ZFAND4: variants seen among roughly 807,000 people sequenced by gnomAD.
ZFAND4 encodes the protein zinc finger AN1-type containing 4, also known as AN1-type zinc finger protein 4.
A neutral mutation model predicts 64.4 loss-of-function variants in ZFAND4; 43 were observed. The ratio of observed to expected loss-of-function variants is 0.67; its 90% confidence interval spans 0.52 to 0.86. The LOEUF (loss-of-function observed/expected upper bound fraction) is 0.86, where lower values mean the gene tolerates loss of function less well. Ranked by LOEUF, ZFAND4 falls within the 40% of genes least tolerant of loss-of-function variation. The probability of loss-of-function intolerance (pLI) is 0.00; values close to 1 mark genes in which losing one functional copy is unlikely to be tolerated. For synonymous variants in ZFAND4, 296 were observed against 305.7 expected, an observed-to-expected ratio of 0.97 and a Z score of 0.33; for missense variants, 929 against 859.8, an observed-to-expected ratio of 1.08 and a Z score of -1.01.
chr10:45,641,555 G>C (rs910257240), intron 5 of ZFAND4, among the ~76,000 whole-genome samples: 1 of 152,120 alleles, frequency 6.6e-6, no homozygotes, highest in Non-Finnish European at 1.5e-5. Context: ...TTAATTACAC[G>C]CACTATACGC....
Position 45,627,003 on chromosome 10 carries a change from T to C in ZFAND4, c.820A>G (p.Asn274Asp). Residue 274 changes from asparagine (N) to aspartate (D), a missense_variant, in exon 7 of 10, where the codon AAC becomes GAC. Transcript: ENST00000344646. ...SRHRLLRVLP[N>D]IGQSCSPAFG... is the part of the protein sequence containing the mutation. Reference sequence around the variant, plus strand: ...GCAGGTGAACAAGATTGACCAATGTTGGGGAGGACCCTTAACAATCGGTGG... The same window carrying C: ...GCAGGTGAACAAGATTGACCAATGTCGGGGAGGACCCTTAACAATCGGTGG... 6.2e-7 allele frequency: 1 copy of C among 1,613,272 alleles called. No homozygotes were observed. The highest frequency in any genetic ancestry group is 8.5e-7 in the Non-Finnish European group (1 of 1,179,412).
intron 6 of ZFAND4, among the ~76,000 whole-genome samples, chr10:45,636,123 A>G (rs949133811): frequency 7.2e-5 from 11 of 152,176 alleles, no homozygotes; most frequent in Non-Finnish European, 1.2e-4. Flanking sequence ...ACAATGCAAG[A>G]CTATTTTATA....
At chr10:45,671,201 T>G (rs148544580) in intron 1 of ZFAND4, among the ~76,000 whole-genome samples, 9,395 of 152,192 alleles carry the variant, frequency 0.062, 431 homozygotes, top group African/African-American at 0.13. Context: ...AGAGGATGTG[T>G]AGAAATAGGA....
At chr10:45,643,041 C>T (rs984387527) in intron 5 of ZFAND4, among the ~76,000 whole-genome samples, 1 of 151,286 alleles carries the variant, frequency 6.6e-6, no homozygotes, top group East Asian at 2.0e-4. Context: ...CTGCCTCAGC[C>T]TCCCTAGTAG....
chr10:45,622,357 C>G (rs2133534502), intron 8 of ZFAND4, among the ~76,000 whole-genome samples: 1 of 152,212 alleles, frequency 6.6e-6, no homozygotes, highest in Admixed American at 6.5e-5. Flanking sequence ...GGATCAAAGA[C>G]CTAAACATAA....
At chr10:45,629,693 T>C (rs186521019) in intron 6 of ZFAND4, among the ~76,000 whole-genome samples, 2 of 151,984 alleles carry the variant, frequency 1.3e-5, no homozygotes, top group African/African-American at 4.8e-5. Flanking sequence ...AAAACCCATC[T>C]CTATCAATAA....
chr10:45,637,339 C>CAG (rs1564584992), intron 6 of ZFAND4, among the ~76,000 whole-genome samples: 8 of 71,276 alleles, frequency 1.1e-4, no homozygotes, highest in Non-Finnish European at 8.5e-5. Flanking sequence ...GACTCCGTCT[C>CAG]AAAAAAAAAA....
At chr10:45,661,650 G>A (rs1278084120) in intron 2 of ZFAND4, among the ~76,000 whole-genome samples, 1 of 152,134 alleles carries the variant, frequency 6.6e-6, no homozygotes, top group Non-Finnish European at 1.5e-5. Context: ...GGCTTAAAAT[G>A]TGTTTTTCAG....
At chr10:45,643,538 C>T (rs182194217) in intron 5 of ZFAND4, among the ~76,000 whole-genome samples, 3 of 151,450 alleles carry the variant, frequency 2.0e-5, no homozygotes, top group Non-Finnish European at 4.4e-5. Flanking sequence ...GGCATGGTGG[C>T]GGGCGCCTGT....
At chr10:45,619,044 A>AT (rs1564542503) in intron 8 of ZFAND4, among the ~76,000 whole-genome samples, 46 of 149,670 alleles carry the variant, frequency 3.1e-4, no homozygotes, top group African/African-American at 7.1e-4. Flanking sequence ...GAATTAAATC[A>AT]ATTTTTTTTT....
At chr10:45,639,120 A>C (rs1427560937) in intron 6 of ZFAND4, among the ~76,000 whole-genome samples, 1 of 152,168 alleles carries the variant, frequency 6.6e-6, no homozygotes, top group Non-Finnish European at 1.5e-5. Context: ...ATAGAGTAAA[A>C]AGGAAAGCAA....
intron 2 of ZFAND4, among the ~76,000 whole-genome samples, chr10:45,660,941 C>A (rs1589426315): frequency 6.6e-6 from 1 of 152,080 alleles, no homozygotes; most frequent in East Asian, 1.9e-4. Flanking sequence ...AGGTCAGAAA[C>A]TAAGATCTAC....
chr10:45,666,117 A>G (rs2048808456), intron 1 of ZFAND4, among the ~76,000 whole-genome samples: 1 of 152,210 alleles, frequency 6.6e-6, no homozygotes, highest in East Asian at 1.9e-4. Context: ...ATGTTTGGCA[A>G]TTTGTGGAAC....
intron 2 of ZFAND4, among the ~76,000 whole-genome samples, chr10:45,657,300 A>G (rs1321413572): frequency 6.6e-6 from 1 of 152,200 alleles, no homozygotes; most frequent in East Asian, 1.9e-4. Context: ...AAGACAGATG[A>G]CAAGCAAATT....
intron 7 of ZFAND4, among the ~76,000 whole-genome samples, chr10:45,625,564 A>G (rs2045754107): frequency 6.6e-6 from 1 of 151,404 alleles, no homozygotes. Flanking sequence ...AAACATTAAA[A>G]ACATTTAGCA....
At chr10:45,635,208 A>AAAAAC (rs2046488394) in intron 6 of ZFAND4, among the ~76,000 whole-genome samples, 1 of 144,894 alleles carries the variant, frequency 6.9e-6, no homozygotes, top group African/African-American at 2.6e-5. Context: ...AAAAAAAAAA[A>AAAAAC]AAAAACAAAA....
Position 45,630,456 on chromosome 10 carries a change from G to C in ZFAND4, c.718-3351C>G, listed in dbSNP as rs557947879. Among the ~76,000 whole-genome samples, 280 of 152,308 alleles carry C rather than the reference G, an allele frequency of 1.8e-3. 3 individuals carry two copies. The highest frequency in any genetic ancestry group is 5.9e-3 in the Admixed American group (91 of 15,300). On this transcript the variant is annotated intron_variant, in intron 6 of 9. Transcript: ENST00000344646. ...AATACTGAGAAAAGGTATAGGCCGG[G>C]TGCGGTGGCTCACACCTGTAATCCC...
At position 45,615,613 on chromosome 10, in the gene ZFAND4, A is replaced by C. The variant is rs1429954995; in HGVS notation, c.*823T>G. 6.6e-6 allele frequency: 1 copy of C among 152,036 alleles called. No individual in the cohort carries two copies. Among genetic ancestry groups the C allele is most frequent in the East Asian group, 1.9e-4 (1 of 5,202 alleles). The allele number at this position is 152,036 out of a possible 1,614,324, so 9.4% of individuals were successfully genotyped here. Reference sequence around the variant, plus strand: ...AAATTCATAATGAAATTGAATATTTATTTGAATTTCTCCTGGTAATAGCAC... The same window carrying C: ...AAATTCATAATGAAATTGAATATTTCTTTGAATTTCTCCTGGTAATAGCAC... On this transcript the variant is annotated 3_prime_UTR_variant, in exon 10 of 10. Coordinates refer to ENST00000344646, the MANE Select transcript of ZFAND4 (RefSeq NM_174890.4).
chr10:45,627,232 T>C, intron 6 of ZFAND4, 127 bp from the exon 7 acceptor site: 1 of 665,794 alleles, frequency 1.5e-6, no homozygotes, highest in Non-Finnish European at 2.3e-6. Context: ...ATTTAAAATG[T>C]TTAAGAAGAA....
Sources: allele counts gnomAD v4.1 joint callset (sites outside exome capture counted in the v4.1 genomes callset), GRCh38; gene constraint gnomAD v4.1.1; transcripts MANE v1.5; gene names NCBI Gene and HGNC (gene_info 2026-07-23, HGNC 2026-07-21).